GRK1: variants seen among roughly 807,000 people sequenced by gnomAD.
The protein encoded by GRK1 is rhodopsin kinase GRK1.
Under a neutral mutation model 41.7 loss-of-function variants are expected in GRK1, and 28 were observed. The ratio of observed to expected loss-of-function variants is 0.67; its 90% CI spans 0.50 to 0.92. The LOEUF is 0.92. Ranked by LOEUF, GRK1 falls within the 40% of genes least tolerant of loss-of-function variation. The probability of loss-of-function intolerance (pLI) is 0.00; values close to 1 mark genes in which losing one functional copy is unlikely to be tolerated. For synonymous variants in GRK1, 327 were observed against 286.7 expected, an observed-to-expected ratio of 1.14 and a Z score of -1.42; for missense variants, 703 against 671.2, an observed-to-expected ratio of 1.05 and a Z score of -0.52.
the GRK1 span, chr13:113,653,034 T>C: frequency 6.2e-7 from 1 of 1,613,356 alleles, no homozygotes; most frequent in African/African-American, 1.3e-5. Context: ...TGCTCGGAGG[T>C]GCAGTTGATG....
rs775955001 is a variant in GRK1 at position 113,669,754 on chromosome 13, C to T, written c.767C>T (p.Ala256Val). Residue 256 changes from alanine to valine, a missense_variant, in exon 2 of 7, where the codon GCG becomes GTG. Physicochemically the swap from Ala to Val is moderately conservative, Grantham distance 64. Coordinates refer to ENST00000335678, the MANE Select transcript of GRK1 (RefSeq NM_002929.3). ...HSRFIVSLAYAFETKADLCLV... is the reference protein window; with the variant it reads ...HSRFIVSLAYVFETKADLCLV... ...AGGTTCATCGTGTCTCTGGCCTATG[C>T]GTTTGAAACCAAAGCCGACCTCTGT... 37 of 1,613,942 alleles carry T rather than the reference C, an allele frequency of 2.3e-5. No homozygotes were observed. Among genetic ancestry groups the T allele is most frequent in the Admixed American group, 1.0e-4 (6 of 60,020 alleles).
Position 113,736,278 on chromosome 13 carries a change from T to G in GRK1, c.*915T>G, listed in dbSNP as rs2050003490. 1 of 152,232 alleles carries G rather than the reference T, an allele frequency of 6.6e-6. No homozygotes were observed. The highest frequency in any genetic ancestry group is 2.4e-5 in the African/African-American group (1 of 41,444). 9.4% of individuals were successfully genotyped at this position (152,232 alleles called of 1,614,324 possible). Reference sequence around the variant, plus strand: ...CCCACTGGGGCTGGTCCGTCTCATCTCCCAGGGGACACTTCAGGCCACGGG... The same window carrying G: ...CCCACTGGGGCTGGTCCGTCTCATCGCCCAGGGGACACTTCAGGCCACGGG... On this transcript the variant is annotated 3_prime_UTR_variant, in exon 7 of 7. Coordinates refer to ENST00000335678, the MANE Select transcript of GRK1 (RefSeq NM_002929.3).
intron 6 of GRK1, among the ~76,000 whole-genome samples, chr13:113,733,701 G>A (rs1445686810): frequency 6.8e-6 from 1 of 147,008 alleles, no homozygotes; most frequent in Non-Finnish European, 1.5e-5. Flanking sequence ...GCATACATGT[G>A]TGCGTGTGTG....
In GRK1 at chr13:113,731,359, C is replaced by T. The variant is rs1477382613; in HGVS notation, c.1194+16C>T. 3 of 1,536,322 alleles carry T rather than the reference C, an allele frequency of 2.0e-6. No homozygotes were observed. The highest frequency in any genetic ancestry group is 8.7e-7 in the Non-Finnish European group (1 of 1,146,542). Reference sequence around the variant, plus strand: ...TGGAGAGAAGGTAGGAGGCGGCCGGCAGGTGTCTCTGCAGCCACCTTGGCG... The same window carrying T: ...TGGAGAGAAGGTAGGAGGCGGCCGGTAGGTGTCTCTGCAGCCACCTTGGCG... On this transcript the variant is annotated intron_variant, in intron 5 of 6. Transcript: ENST00000335678. The surrounding 1 kb of genome is among the most constrained non-coding windows in gnomAD (Gnocchi z 5.6).
In GRK1 at chr13:113,731,241, G is replaced by T. The variant is rs2049934790; in HGVS notation, c.1092G>T (p.Leu364=). 1 of 1,536,964 alleles carries T rather than the reference G, an allele frequency of 6.5e-7. No individual in the cohort carries two copies. The highest frequency in any genetic ancestry group is 8.7e-7 in the Non-Finnish European group (1 of 1,146,828). The change falls in exon 5 of 7, where the codon CTG becomes CTT. Residue 364 remains leucine (L), a synonymous_variant. Coordinates refer to ENST00000335678, the MANE Select transcript of GRK1 (RefSeq NM_002929.3). The surrounding 1 kb of genome is among the most constrained non-coding windows in gnomAD (Gnocchi z 5.6). The part of the protein sequence containing the change: ...GTPGFMAPEL[L]QGEEYDFSVD... ...CAGGTTTCATGGCCCCCGAGCTCCT[G>T]CAGGGCGAGGAGTACGACTTCTCCG...
Position 113,731,826 on chromosome 13 carries a change from C to G in GRK1, c.1194+483C>G, listed in dbSNP as rs901881291. Among the ~76,000 whole-genome samples, 2 of 152,186 alleles carry G rather than the reference C, an allele frequency of 1.3e-5. No homozygotes were observed. The highest frequency in any genetic ancestry group is 4.8e-5 in the African/African-American group (2 of 41,436). ...CTGGGGGACACGGAGTCGGCTCCCCCTCCCTGGACGGTCTTATCCATCGCT... is the reference window on the plus strand; with the variant it reads ...CTGGGGGACACGGAGTCGGCTCCCCGTCCCTGGACGGTCTTATCCATCGCT... On this transcript the variant is annotated intron_variant, in intron 5 of 6. Coordinates refer to ENST00000335678, the MANE Select transcript of GRK1 (RefSeq NM_002929.3). The surrounding 1 kb of genome is among the most constrained non-coding windows in gnomAD (Gnocchi z 5.6).
chr13:113,665,348 TTG>T (rs1437943869), upstream of GRK1, among the ~76,000 whole-genome samples: 61 of 151,880 alleles, frequency 4.0e-4, no homozygotes, highest in African/African-American at 1.4e-3. Context: ...CCCAGGTGTG[TTG>T]CAGGTGTGTC....
the GRK1 span, among the ~76,000 whole-genome samples, chr13:113,658,970 A>AT: frequency 6.6e-6 from 1 of 152,040 alleles, no homozygotes; most frequent in African/African-American, 2.4e-5. Flanking sequence ...GGTGGGAGGG[A>AT]GTAAGGCAGG....
chr13:113,652,441 TC>T, the GRK1 span, among the ~76,000 whole-genome samples: 2 of 152,156 alleles, frequency 1.3e-5, no homozygotes, highest in African/African-American at 2.4e-5. Context: ...CCTGCCCTGC[TC>T]GAGCCTGGCT....
At chr13:113,672,415 G>GTGT (rs1555360535) in intron 3 of GRK1, among the ~76,000 whole-genome samples, 2 of 108,856 alleles carry the variant, frequency 1.8e-5, no homozygotes, top group Non-Finnish European at 4.0e-5. Context: ...TGTGGAATGT[G>GTGT]GTGTGTTCGT....
At position 113,730,733 on chromosome 13, in the gene GRK1, G is replaced by A. The variant is rs151099126; in HGVS notation, c.1070-486G>A. 7.2e-3 allele frequency among the ~76,000 whole-genome samples: 1,095 copies of A among 152,346 alleles called. 19 individuals are homozygous for A. The highest frequency in any genetic ancestry group is 0.024 in the African/African-American group (1,003 of 41,580). ...TCACCGGACAACTGGAGAACAGGCC[G>A]ACAGCTGAGGAAAAGGAGAGTGACC... On this transcript the variant is annotated intron_variant, in intron 4 of 6. Transcript: ENST00000335678.
At chr13:113,669,927 C>T (rs966524173) in intron 2 of GRK1, 113 bp downstream of exon 2, 57 of 1,296,946 alleles carry the variant, frequency 4.4e-5, no homozygotes, top group Middle Eastern at 2.7e-4. Flanking sequence ...GGCCTGCCCT[C>T]GAGGGAAGCC....
At chr13:113,733,282 G>C (rs1017227927) in intron 6 of GRK1, among the ~76,000 whole-genome samples, 197 bp downstream of exon 6, 1 of 152,188 alleles carries the variant, frequency 6.6e-6, no homozygotes, top group Non-Finnish European at 1.5e-5. Context: ...AGCCGGCATC[G>C]GGCCAGAGGG....
chr13:113,653,411 A>T, the GRK1 span: 1 of 1,614,206 alleles, frequency 6.2e-7, no homozygotes, highest in Non-Finnish European at 8.5e-7. Flanking sequence ...TTCTCCCCGT[A>T]AACATCCGGC....
At position 113,731,532 on chromosome 13, in the gene GRK1, C is replaced by CA. The variant is rs2049937613; in HGVS notation, c.1194+189_1194+190insA. Reference sequence around the variant, plus strand: ...CATGCTGTTCTGTCTCAGTGGGTGACGCCCCCAGCCCCTGAGGCCTGCAGG... The same window carrying CA: ...CATGCTGTTCTGTCTCAGTGGGTGACAGCCCCCAGCCCCTGAGGCCTGCAGG... On this transcript the variant is annotated intron_variant, in intron 5 of 6. Transcript: ENST00000335678. This position sits in a 1 kb window ranked among gnomAD's most constrained non-coding sequence, Gnocchi z 5.6. 1 of 399,206 alleles carries CA rather than the reference C, an allele frequency of 2.5e-6. No individual in the cohort carries two copies. The highest frequency in any genetic ancestry group is 2.2e-5 in the African/African-American group (1 of 45,846). The allele number at this position is 399,206 out of a possible 1,614,324, so 24.7% of individuals were successfully genotyped here.
At chr13:113,655,121 C>T in the GRK1 span, among the ~76,000 whole-genome samples, 37 of 152,272 alleles carry the variant, frequency 2.4e-4, no homozygotes, top group East Asian at 6.0e-3. Context: ...CCCCTCCCAG[C>T]GCCGCACCAC....
chr13:113,653,475 C>T, the GRK1 span: 3 of 1,564,408 alleles, frequency 1.9e-6, no homozygotes, highest in Non-Finnish European at 1.8e-6. Flanking sequence ...TCCAAATGCT[C>T]ACCACATTTA....
At chr13:113,666,684 C>G (rs941179631), upstream of GRK1, among the ~76,000 whole-genome samples, 1 of 152,156 alleles carries the variant, frequency 6.6e-6, no homozygotes, top group Non-Finnish European at 1.5e-5. Flanking sequence ...CTGCAAACCC[C>G]AGGTGAGAAG....
At chr13:113,724,794 G>C (rs1307512005) in intron 4 of GRK1, among the ~76,000 whole-genome samples, 1 of 152,234 alleles carries the variant, frequency 6.6e-6, no homozygotes, top group Non-Finnish European at 1.5e-5. Context: ...TTTCTGGGTG[G>C]GTAGAAACGG....
Sources: gnomAD v4.1 joint callset for allele counts (sites outside exome capture counted in the v4.1 genomes callset) on GRCh38, gnomAD v4.1.1 for gene constraint, Gnocchi (gnomAD v3.1) non-coding constraint, MANE v1.5 for transcripts, NCBI Gene and HGNC (gene_info 2026-07-23, HGNC 2026-07-21) for gene names.